Variants in CHODL observed in about 807,000 individuals in gnomAD.
The protein encoded by CHODL is chondrolectin, also known as transmembrane protein MT75.
Under a neutral mutation model 34.5 loss-of-function variants are expected in CHODL, and 29 were observed. The ratio of observed to expected loss-of-function variants is 0.84; its 90% CI spans 0.63 to 1.15. CHODL has a LOEUF of 1.15. Ranked by LOEUF, CHODL falls within the 50% of genes most tolerant of loss-of-function variation. The pLI, the probability that CHODL is intolerant of heterozygous loss-of-function variation, is 0.00. For synonymous variants in CHODL, 125 were observed against 116.1 expected, an observed-to-expected ratio of 1.08 and a Z score of -0.49; for missense variants, 332 against 332.5, an observed-to-expected ratio of 1.00 and a Z score of 0.01.
At chr21:17,964,838 A>G (rs956285869) in intron 1 of CHODL, among the ~76,000 whole-genome samples, 12 of 152,162 alleles carry the variant, frequency 7.9e-5, no homozygotes, top group African/African-American at 2.7e-4. Context: ...ATAGCTGCCA[A>G]TAGCCATTTT....
intron 2 of CHODL, among the ~76,000 whole-genome samples, chr21:18,157,593 T>C (rs1291809355): frequency 6.6e-6 from 1 of 152,232 alleles, no homozygotes; most frequent in African/African-American, 2.4e-5. Context: ...TTTAGGCAGA[T>C]GTTCTCATTT....
chr21:18,266,028 T>C lies in CHODL; in HGVS notation c.812T>C (p.Met271Thr). Reference sequence around the variant, plus strand: ...AAGAGTACCAGAAAAGAAAGTGGCATGGAAGTATAATAACTCATTGACTTG... The same window carrying C: ...AAGAGTACCAGAAAAGAAAGTGGCACGGAAGTATAATAACTCATTGACTTG... ...ISKSTRKESG[M>T]EV The change falls in exon 6 of 6, where the codon ATG becomes ACG. Residue 271 changes from methionine (M) to threonine (T), a missense_variant. Physicochemically the swap from Met to Thr is moderately conservative, Grantham distance 81. Transcript: ENST00000299295. 6.2e-7 allele frequency: 1 copy of C among 1,613,608 alleles called. No homozygotes were observed. Among genetic ancestry groups the C allele is most frequent in the Non-Finnish European group, 8.5e-7 (1 of 1,179,646 alleles).
intron 2 of CHODL, among the ~76,000 whole-genome samples, chr21:18,154,486 G>A (rs181404509): frequency 5.3e-5 from 8 of 152,086 alleles, no homozygotes; most frequent in African/African-American, 1.4e-4. Context: ...TTAATAAAAT[G>A]GTGTGCCTTT....
intron 2 of CHODL, among the ~76,000 whole-genome samples, chr21:18,030,494 C>T (rs1430619085): frequency 6.6e-6 from 1 of 152,168 alleles, no homozygotes; most frequent in Non-Finnish European, 1.5e-5. Flanking sequence ...ACCACAGAAA[C>T]TGTGACATAC....
rs74392695 is a variant in CHODL at position 18,157,250 on chromosome 21, C to A, written c.-44-99259C>A. Among the ~76,000 whole-genome samples, 350 of 152,294 alleles carry A rather than the reference C, an allele frequency of 2.3e-3. 3 individuals carry two copies. In the East Asian group the frequency reaches 0.035, roughly 15 times the overall value. ...TTGTGGGTATCTCTGGAAACACAAT[C>A]TGTCATGATGTTTATGGTGTATTTA... is the stretch of plus-strand genomic sequence containing the variant. On this transcript the variant is annotated intron_variant, in intron 2 of 6. Coordinates refer to the CHODL transcript ENST00000400127.
chr21:17,983,073 A>G (rs1013939103), intron 1 of CHODL, among the ~76,000 whole-genome samples: 7 of 152,008 alleles, frequency 4.6e-5, no homozygotes, highest in Non-Finnish European at 1.0e-4. Flanking sequence ...TAATCATAAT[A>G]TCCTTTAACA....
chr21:17,987,943 C>T (rs34122794), intron 1 of CHODL, among the ~76,000 whole-genome samples: 18 of 152,078 alleles, frequency 1.2e-4, no homozygotes, highest in African/African-American at 4.1e-4. Context: ...TGCTTCATGG[C>T]TCTGAGAAAG....
intron 2 of CHODL, among the ~76,000 whole-genome samples, chr21:18,226,546 G>A (rs553376049): frequency 2.0e-4 from 30 of 152,156 alleles, no homozygotes; most frequent in Middle Eastern, 6.8e-3. Flanking sequence ...TGGTCTGCCC[G>A]CCTCGGCTTC....
At chr21:18,180,108 AT>A (rs1223235065) in intron 2 of CHODL, among the ~76,000 whole-genome samples, 3 of 152,198 alleles carry the variant, frequency 2.0e-5, no homozygotes, top group Non-Finnish European at 4.4e-5. Context: ...TATAGTTAGC[AT>A]TTTGATGAAT....
chr21:17,927,318 G>A (rs1043792195), intron 1 of CHODL, among the ~76,000 whole-genome samples: 2 of 151,878 alleles, frequency 1.3e-5, no homozygotes, highest in African/African-American at 4.8e-5. Context: ...AATGGAATTT[G>A]GGCATTTCCT....
chr21:18,258,107 A>G (rs2074338263), intron 3 of CHODL, among the ~76,000 whole-genome samples: 2 of 152,140 alleles, frequency 1.3e-5, no homozygotes. Flanking sequence ...TTCTCATAAT[A>G]CCAGAAAACA....
chr21:18,132,755 C>T (rs1209454497), intron 2 of CHODL, among the ~76,000 whole-genome samples: 2 of 152,082 alleles, frequency 1.3e-5, no homozygotes, highest in Non-Finnish European at 2.9e-5. Context: ...TGTTTTCTCT[C>T]ACTGTACTAG....
At chr21:18,046,885 C>A (rs1197169643) in intron 2 of CHODL, among the ~76,000 whole-genome samples, 1 of 151,906 alleles carries the variant, frequency 6.6e-6, no homozygotes, top group Non-Finnish European at 1.5e-5. Flanking sequence ...AGACTAATGG[C>A]CTTTGTGGGC....
chr21:18,128,964 C>A (rs1027305304), intron 2 of CHODL, among the ~76,000 whole-genome samples: 1 of 151,972 alleles, frequency 6.6e-6, no homozygotes, highest in Non-Finnish European at 1.5e-5. Flanking sequence ...TAATTATACC[C>A]CACTTTGTAG....
chr21:18,132,747 T>C lies in CHODL; in HGVS notation c.-45+104776T>C, dbSNP rs567737122. 2.6e-5 allele frequency among the ~76,000 whole-genome samples: 4 copies of C among 152,288 alleles called. No individual in the cohort carries two copies. The South Asian group carries it at 6.2e-4, about 24-fold the overall frequency. ...TTTGTTGTTTTTGTATATTAACATG[T>C]TTTCTCTCACTGTACTAGAAATCTT... is the stretch of plus-strand genomic sequence containing the variant. On this transcript the variant is annotated intron_variant, in intron 2 of 6. Coordinates refer to the CHODL transcript ENST00000400127.
At chr21:18,190,452 C>G (rs527753308) in intron 2 of CHODL, among the ~76,000 whole-genome samples, 1 of 152,128 alleles carries the variant, frequency 6.6e-6, no homozygotes, top group East Asian at 1.9e-4. Context: ...CACTTCACGG[C>G]AAATCCTAAT....
chr21:18,074,529 G>A (rs2064842642), intron 2 of CHODL, among the ~76,000 whole-genome samples: 1 of 152,076 alleles, frequency 6.6e-6, no homozygotes, highest in African/African-American at 2.4e-5. Context: ...AGAGAGGGAT[G>A]GATGCATTGT....
At chr21:17,918,780 G>A (rs182476617) in intron 1 of CHODL, among the ~76,000 whole-genome samples, 30 of 152,248 alleles carry the variant, frequency 2.0e-4, no homozygotes, top group Admixed American at 7.2e-4. Flanking sequence ...TCTTATCTGC[G>A]GTAAGGCAAG....
chr21:17,994,619 T>G (rs1014581000), intron 1 of CHODL, among the ~76,000 whole-genome samples: 3 of 152,152 alleles, frequency 2.0e-5, no homozygotes, highest in Non-Finnish European at 2.9e-5. Flanking sequence ...TGTGTGTGTA[T>G]GCACTGGCAA....
Sources: allele counts gnomAD v4.1 joint callset (sites outside exome capture counted in the v4.1 genomes callset), GRCh38; gene constraint gnomAD v4.1.1; transcripts MANE v1.5; gene names NCBI Gene and HGNC (gene_info 2026-07-23, HGNC 2026-07-21).